The following ABCB5 variants were observed in gnomAD, a reference collection of about 807,000 sequenced individuals.
ABCB5 encodes ATP binding cassette subfamily B member 5, also known as ATP-binding cassette sub-family B member 5.
Under a neutral mutation model 144.2 loss-of-function variants are expected in ABCB5, and 155 were observed. The observed-to-expected ratio is 1.08, with a 90% confidence interval of 0.94 to 1.23. The LOEUF is 1.23. Ranked by LOEUF, ABCB5 falls within the 50% of genes most tolerant of loss-of-function variation. The pLI, the probability that ABCB5 is intolerant of heterozygous loss-of-function variation, is 0.00. For synonymous variants in ABCB5, 610 were observed against 528.6 expected, an observed-to-expected ratio of 1.15 and a Z score of -2.11; for missense variants, 1,830 against 1,520.8, an observed-to-expected ratio of 1.20 and a Z score of -3.38.
intron 3 of ABCB5, among the ~76,000 whole-genome samples, chr7:20,627,493 C>T (rs1173559246): frequency 6.6e-6 from 1 of 151,670 alleles, no homozygotes; most frequent in Admixed American, 6.6e-5. Flanking sequence ...CATTTTAATA[C>T]CATTTAAATT....
intron 14 of ABCB5, chr7:20,659,171 C>A: frequency 5.0e-6 from 8 of 1,613,022 alleles, no homozygotes; most frequent in Non-Finnish European, 5.9e-6. Context: ...CTCACCCTGA[C>A]CTCCTGCTGC....
At position 20,671,144 on chromosome 7, in the gene ABCB5, C is replaced by T. The variant is rs538630543; in HGVS notation, c.1708-10361C>T. Among the ~76,000 whole-genome samples, 15 of 152,108 alleles carry T rather than the reference C, an allele frequency of 9.9e-5. No homozygotes were observed. The South Asian group carries it at 2.1e-3, about 21-fold the overall frequency. On this transcript the variant is annotated intron_variant, in intron 14 of 27. Coordinates refer to ENST00000404938, the MANE Select transcript of ABCB5 (RefSeq NM_001163941.2). ...ATAATTAATTTCCAGTTAAAAATAC[C>T]GAAATCTGCCTGTCTGCAACTCTAT...
intron 13 of ABCB5, among the ~76,000 whole-genome samples, chr7:20,655,227 T>C (rs1055598384): frequency 2.0e-5 from 3 of 152,156 alleles, no homozygotes; most frequent in Non-Finnish European, 4.4e-5. Flanking sequence ...ATCCCAGCAC[T>C]TTGGGAGGCT....
chr7:20,715,683 T>A (rs530749765), intron 20 of ABCB5, among the ~76,000 whole-genome samples: 1 of 151,922 alleles, frequency 6.6e-6, no homozygotes, highest in South Asian at 2.1e-4. Context: ...GTGCTGGGAT[T>A]ATAAGTATGA....
At chr7:20,679,066 A>C (rs948855384) in intron 14 of ABCB5, among the ~76,000 whole-genome samples, 1 of 152,208 alleles carries the variant, frequency 6.6e-6, no homozygotes, top group Non-Finnish European at 1.5e-5. Flanking sequence ...CTTGGAGTAA[A>C]GATTTCTTAA....
chr7:20,704,540 A>G lies in ABCB5; in HGVS notation c.2338-184A>G, dbSNP rs1214001319. 9.2e-5 allele frequency among the ~76,000 whole-genome samples: 14 copies of G among 152,226 alleles called. 1 individual carries two copies. Among genetic ancestry groups the G allele is most frequent in the Admixed American group, 9.2e-4 (14 of 15,274 alleles). On this transcript the variant is annotated intron_variant, in intron 19 of 27. Transcript: ENST00000404938. Reference sequence around the variant, plus strand: ...CTCTTGGGCTTAAGTTCTTCAGTTTATATATAAATATAGATCTTCATGAAA... The same window carrying G: ...CTCTTGGGCTTAAGTTCTTCAGTTTGTATATAAATATAGATCTTCATGAAA...
chr7:20,624,898 A>G (rs1192719946), intron 2 of ABCB5, among the ~76,000 whole-genome samples: 2 of 152,242 alleles, frequency 1.3e-5, no homozygotes, highest in African/African-American at 2.4e-5. Flanking sequence ...CTTGGCCCCA[A>G]GAGCTGTGTA....
chr7:20,751,106 C>CAT (rs2128057617), intron 26 of ABCB5, among the ~76,000 whole-genome samples: 2 of 152,260 alleles, frequency 1.3e-5, no homozygotes, highest in African/African-American at 4.8e-5. Context: ...CCCTCTGGGA[C>CAT]ACAACTGACT....
intron 13 of ABCB5, among the ~76,000 whole-genome samples, chr7:20,655,699 C>G (rs892784284): frequency 1.3e-5 from 2 of 152,092 alleles, no homozygotes; most frequent in Non-Finnish European, 2.9e-5. Flanking sequence ...GATTTAGAAA[C>G]TCCATATTTT....
At chr7:20,711,416 A>C (rs1370879048) in intron 20 of ABCB5, among the ~76,000 whole-genome samples, 1 of 147,954 alleles carries the variant, frequency 6.8e-6, no homozygotes, top group African/African-American at 2.5e-5. Flanking sequence ...ATATATTTCC[A>C]CCAGTTATGA....
At chr7:20,755,053 G>A (rs905470548) in intron 27 of ABCB5, among the ~76,000 whole-genome samples, 1 of 151,988 alleles carries the variant, frequency 6.6e-6, no homozygotes, top group African/African-American at 2.4e-5. Context: ...AGGGTCAAGC[G>A]ATTGTCCTGC....
At chr7:20,717,531 C>T (rs1183613095) in intron 20 of ABCB5, among the ~76,000 whole-genome samples, 1 of 151,466 alleles carries the variant, frequency 6.6e-6, no homozygotes, top group Non-Finnish European at 1.5e-5. Flanking sequence ...CAACCTCCGC[C>T]TCCCGGGTTC....
chr7:20,646,902 T>C (rs1784425034), intron 9 of ABCB5, among the ~76,000 whole-genome samples: 1 of 152,204 alleles, frequency 6.6e-6, no homozygotes, highest in Non-Finnish European at 1.5e-5. Context: ...GCATGAACGA[T>C]TTTTCACTCA....
At chr7:20,667,946 A>C in intron 14 of ABCB5, among the ~76,000 whole-genome samples, 1 of 108,946 alleles carries the variant, frequency 9.2e-6, no homozygotes, top group Admixed American at 9.5e-5. Flanking sequence ...GCTGGTCTCC[A>C]GCTCCTAACC....
intron 5 of ABCB5, among the ~76,000 whole-genome samples, chr7:20,638,133 G>A (rs35484201): frequency 0.17 from 25,892 of 152,022 alleles, 3,159 homozygotes; most frequent in African/African-American, 0.34. Flanking sequence ...GTGAGTCAGT[G>A]CTTCTATAAA....
chr7:20,653,002 T>C (rs1784652344), intron 13 of ABCB5, among the ~76,000 whole-genome samples: 3 of 152,218 alleles, frequency 2.0e-5, no homozygotes, highest in African/African-American at 7.2e-5. Context: ...AATTAGGACA[T>C]ATTTAGGCCA....
At chr7:20,727,850 C>A (rs1003132615) in intron 22 of ABCB5, among the ~76,000 whole-genome samples, 1 of 128,482 alleles carries the variant, frequency 7.8e-6, no homozygotes, top group African/African-American at 3.1e-5. Context: ...ATCACATTGA[C>A]TTAGTGATGC....
At chr7:20,679,741 C>G (rs1195971844) in intron 14 of ABCB5, among the ~76,000 whole-genome samples, 1 of 152,110 alleles carries the variant, frequency 6.6e-6, no homozygotes, top group Non-Finnish European at 1.5e-5. Flanking sequence ...TATGATAGTT[C>G]TCACCCATCA....
chr7:20,720,544 T>C (rs952444381), intron 20 of ABCB5, among the ~76,000 whole-genome samples: 3 of 152,222 alleles, frequency 2.0e-5, no homozygotes, highest in Non-Finnish European at 2.9e-5. Flanking sequence ...CTAAGATGCA[T>C]AATTTGAATC....
Sources: gnomAD v4.1 joint callset for allele counts (sites outside exome capture counted in the v4.1 genomes callset) on GRCh38, gnomAD v4.1.1 for gene constraint, MANE v1.5 for transcripts, NCBI Gene and HGNC (gene_info 2026-07-23, HGNC 2026-07-21) for gene names.